The following SLC17A5 variants were observed in gnomAD, a reference collection of about 807,000 sequenced individuals.
SLC17A5 encodes the protein solute carrier family 17 member 5.
In SLC17A5, 47 loss-of-function variants were observed where a neutral mutation model predicts 59.4. The observed-to-expected ratio is 0.79, with a 90% CI of 0.63 to 1.01. The LOEUF (loss-of-function observed/expected upper bound fraction) is 1.01, where lower values mean the gene tolerates loss of function less well. Among genes scored for constraint, SLC17A5 ranks in the 50% least tolerant of loss-of-function variants. The pLI is 0.00. For missense variants in SLC17A5, 522 were observed against 595.5 expected, an observed-to-expected ratio of 0.88 and a Z score of 1.28; for synonymous variants, 202 against 210.7, an observed-to-expected ratio of 0.96 and a Z score of 0.36.
intron 10 of SLC17A5, among the ~76,000 whole-genome samples, chr6:73,597,192 G>A (rs186016958): frequency 2.4e-4 from 36 of 151,834 alleles, no homozygotes; most frequent in Admixed American, 3.9e-4. Context: ...ACCAGGCCAG[G>A]CGTGGTGGCT....
chr6:73,653,158 C>T, intron 1 of SLC17A5: 1 of 985,430 alleles, frequency 1.0e-6, no homozygotes, highest in Non-Finnish European at 1.2e-6. Flanking sequence ...TAGTCTCTTA[C>T]TGCACAATGT....
chr6:73,626,801 T>C (rs1395054321), intron 6 of SLC17A5, among the ~76,000 whole-genome samples: 6 of 152,228 alleles, frequency 3.9e-5, no homozygotes, highest in Non-Finnish European at 5.9e-5. Context: ...AGATGGAGTC[T>C]TGCTCTGTTG....
rs1174104593 is a variant in SLC17A5 at position 73,594,977 on chromosome 6, T to TA, written c.*99dup. On this transcript the variant is annotated 3_prime_UTR_variant, in exon 11 of 11. Coordinates refer to ENST00000355773, the MANE Select transcript of SLC17A5 (RefSeq NM_012434.5). ...CTTAAAAATCTAATACAAGTACAAT[T>TA]AAAAAAAGACATAGAATGCTTACAC... is the stretch of plus-strand genomic sequence containing the variant. 1.8e-5 allele frequency: 24 copies of TA among 1,311,104 alleles called. No individual in the cohort carries two copies. The highest frequency in any genetic ancestry group is 1.0e-4 in the Admixed American group (6 of 57,158). 81.2% of individuals were successfully genotyped at this position (1,311,104 alleles called of 1,614,324 possible).
chr6:73,619,523 A>G (rs1768039783), intron 7 of SLC17A5, among the ~76,000 whole-genome samples: 2 of 144,348 alleles, frequency 1.4e-5, no homozygotes, highest in African/African-American at 5.1e-5. Context: ...CCCCATCTCT[A>G]CTATTTAAAA....
At chr6:73,651,704 G>A (rs1236731886) in intron 1 of SLC17A5, among the ~76,000 whole-genome samples, 7 of 151,382 alleles carry the variant, frequency 4.6e-5, no homozygotes, top group Admixed American at 1.3e-4. Context: ...CACCACACCC[G>A]GCTAATTTTT....
At chr6:73,630,389 A>G (rs1768644379) in intron 6 of SLC17A5, among the ~76,000 whole-genome samples, 1 of 152,216 alleles carries the variant, frequency 6.6e-6, no homozygotes, top group Non-Finnish European at 1.5e-5. Context: ...TCACATTTCT[A>G]CCTATAAGTA....
chr6:73,625,454 T>C (rs1287898488), intron 6 of SLC17A5, among the ~76,000 whole-genome samples: 1 of 152,174 alleles, frequency 6.6e-6, no homozygotes, highest in Non-Finnish European at 1.5e-5. Context: ...CCCAAAGTGC[T>C]GGGATTACAA....
intron 9 of SLC17A5, among the ~76,000 whole-genome samples, chr6:73,600,898 C>T (rs1182505166): frequency 2.0e-4 from 31 of 152,226 alleles, no homozygotes; most frequent in Admixed American, 2.0e-3. Flanking sequence ...TTATATTCAG[C>T]TGGTGAAAAA....
intron 6 of SLC17A5, among the ~76,000 whole-genome samples, chr6:73,633,450 T>C (rs1377785827): frequency 2.6e-5 from 4 of 151,994 alleles, no homozygotes; most frequent in African/African-American, 9.7e-5. Context: ...CAGGCTGGTC[T>C]TGAACTCCAG....
intron 1 of SLC17A5, among the ~76,000 whole-genome samples, chr6:73,651,460 C>CAA (rs538079302): frequency 0.01 from 291 of 28,604 alleles, 1 homozygote; most frequent in Non-Finnish European, 0.011. Flanking sequence ...AACTCCGTCT[C>CAA]AAAAAAAAAA....
chr6:73,601,787 G>A (rs1205186841), intron 9 of SLC17A5, among the ~76,000 whole-genome samples: 3 of 145,704 alleles, frequency 2.1e-5, no homozygotes, highest in East Asian at 2.1e-4. Context: ...CCCTCTGCCC[G>A]GCCAGCCGCT....
rs74894620 is a variant in SLC17A5, at chr6:73,609,615, C to T, written c.1259+785G>A. ...CTACATGCCAAGTGCCATGGAGAGCCCTGAGGACAATAAGGGAGTTTCTGC... is the reference window on the plus strand; with the variant it reads ...CTACATGCCAAGTGCCATGGAGAGCTCTGAGGACAATAAGGGAGTTTCTGC... On this transcript the variant is annotated intron_variant, in intron 9 of 10. Coordinates refer to ENST00000355773, the MANE Select transcript of SLC17A5 (RefSeq NM_012434.5). Among the ~76,000 whole-genome samples the T allele has an allele frequency of 7.5e-3, 1,139 of 152,196 alleles. 19 individuals carry two copies. The highest frequency in any genetic ancestry group is 0.026 in the African/African-American group (1,089 of 41,518).
At chr6:73,636,789 A>T (rs771378862) in intron 4 of SLC17A5, 82 bp from the exon 5 acceptor site, 7 of 1,021,646 alleles carry the variant, frequency 6.9e-6, no homozygotes, top group Non-Finnish European at 1.1e-5. Context: ...CTTACAGAGG[A>T]TGGGTAACAG....
At chr6:73,619,227 T>C (rs1295584668) in intron 7 of SLC17A5, among the ~76,000 whole-genome samples, 2 of 152,176 alleles carry the variant, frequency 1.3e-5, no homozygotes, top group Non-Finnish European at 2.9e-5. Context: ...TCAAGAGCCC[T>C]GAAGTGAGCA....
chr6:73,610,658 C>T, intron 8 of SLC17A5, 111 bp from the exon 9 acceptor site: 1 of 1,164,226 alleles, frequency 8.6e-7, no homozygotes, highest in Non-Finnish European at 1.2e-6. Flanking sequence ...TGTAGAAACA[C>T]TATATTGCCT....
Position 73,595,000 on chromosome 6 carries a change from C to T in SLC17A5, c.*77G>A. ...ATTAAAAAAAGACATAGAATGCTTA[C>T]ACAATACAGAAGGCACTTTGAGGTT... On this transcript the variant is annotated 3_prime_UTR_variant, in exon 11 of 11. Transcript: ENST00000355773. 6.7e-7 allele frequency: 1 copy of T among 1,496,482 alleles called. No homozygotes were observed. The highest frequency in any genetic ancestry group is 1.7e-5 in the Admixed American group (1 of 59,744). The allele number at this position is 1,496,482 out of a possible 1,614,324, so 92.7% of individuals were successfully genotyped here. A position where few individuals can be genotyped will look rare whatever the true frequency, so the allele number is the denominator to read the frequency against.
intron 9 of SLC17A5, among the ~76,000 whole-genome samples, chr6:73,608,410 C>T (rs1346846533): frequency 2.6e-5 from 4 of 152,072 alleles, no homozygotes; most frequent in Non-Finnish European, 4.4e-5. Context: ...TGCTGGCAAT[C>T]ATTTCATTGT....
intron 3 of SLC17A5, among the ~76,000 whole-genome samples, chr6:73,640,111 A>G (rs1013806322): frequency 5.3e-5 from 8 of 152,240 alleles, no homozygotes; most frequent in Admixed American, 2.6e-4. Flanking sequence ...TGGTAATATG[A>G]TCAATATGCC....
Position 73,593,516 on chromosome 6 carries a change from T to C in SLC17A5, c.*1561A>G, listed in dbSNP as rs1261271800. 2 of 152,256 alleles carry C rather than the reference T, an allele frequency of 1.3e-5. No homozygotes were observed. Among genetic ancestry groups the C allele is most frequent in the Non-Finnish European group, 2.9e-5 (2 of 68,046 alleles). 9.4% of individuals were successfully genotyped at this position (152,256 alleles called of 1,614,324 possible). A position where few individuals can be genotyped will look rare whatever the true frequency, so the allele number is the denominator to read the frequency against. Reference sequence around the variant, plus strand: ...AACAGTTTTAAAATATTACACGTAGTGTTGAACACAAAACATAAACTAAGT... The same window carrying C: ...AACAGTTTTAAAATATTACACGTAGCGTTGAACACAAAACATAAACTAAGT... On this transcript the variant is annotated 3_prime_UTR_variant, in exon 11 of 11. Transcript: ENST00000355773.
Sources: allele counts gnomAD v4.1 joint callset (sites outside exome capture counted in the v4.1 genomes callset), GRCh38; gene constraint gnomAD v4.1.1; transcripts MANE v1.5; gene names NCBI Gene and HGNC (gene_info 2026-07-23, HGNC 2026-07-21).